Variants in C1orf141 observed in about 807,000 individuals in gnomAD.
C1orf141 encodes uncharacterized protein C1orf141.
In C1orf141, 19 loss-of-function variants were observed where a neutral mutation model predicts 23.2. The observed-to-expected ratio is 0.82, with a 90% confidence interval of 0.57 to 1.20. The LOEUF is 1.20. Among genes scored for constraint, C1orf141 ranks in the 50% most tolerant of loss-of-function variants. The pLI, the probability that C1orf141 is intolerant of heterozygous loss-of-function variation, is 0.00. For missense variants in C1orf141, 469 were observed against 455.1 expected (o/e 1.03, Z -0.28); for synonymous variants, 153 against 154.6 (o/e 0.99, Z 0.08).
At chr1:67,132,888 G>T (rs1283689043) in intron 1 of C1orf141, among the ~76,000 whole-genome samples, 4 of 152,092 alleles carry the variant, frequency 2.6e-5, no homozygotes, top group African/African-American at 9.7e-5. Context: ...ACAGTTTTTT[G>T]TTGTTGTTTG....
At chr1:67,100,921 T>C (rs1334786153) in intron 5 of C1orf141, among the ~76,000 whole-genome samples, 1 of 152,172 alleles carries the variant, frequency 6.6e-6, no homozygotes, top group African/African-American at 2.4e-5. Context: ...TTCTGGGCAC[T>C]GTATATTTTG....
intron 6 of C1orf141, 40 bp from the exon 7 acceptor site, chr1:67,095,461 G>C (rs375296501): frequency 1.0e-5 from 12 of 1,172,892 alleles, no homozygotes; most frequent in Non-Finnish European, 1.4e-5. Context: ...TCATGGGGCT[G>C]ATTACAGCTT....
At chr1:67,141,474 C>G (rs1056696211) in intron 1 of C1orf141, among the ~76,000 whole-genome samples, 20 of 151,904 alleles carry the variant, frequency 1.3e-4, no homozygotes, top group Admixed American at 1.0e-3. Flanking sequence ...AAAGTTTTTA[C>G]AAGTCCGGTC....
At chr1:67,141,142 T>C (rs1042520314) in intron 1 of C1orf141, among the ~76,000 whole-genome samples, 5 of 152,204 alleles carry the variant, frequency 3.3e-5, no homozygotes, top group African/African-American at 1.2e-4. Context: ...TAGAAAGCTT[T>C]ATACACAGAA....
chr1:67,115,434 A>G lies in C1orf141; in HGVS notation c.264T>C (p.Pro88=). The stretch of plus-strand genomic sequence containing the variant: ...TTGACTTTTCAAAATTACTCTTTCT[A>G]GGTTCAGGCTCACATTTGAAAGAGA... ...MHVSFKCEPE[P]RKSNFEKSNL... is the part of the protein sequence containing the mutation. Residue 88 remains proline (P), a synonymous_variant, in exon 5 of 8, where the codon CCT becomes CCC. Coordinates refer to ENST00000684719, the MANE Select transcript of C1orf141 (RefSeq NM_001276351.2). 6.7e-7 allele frequency: 1 copy of G among 1,496,992 alleles called. No individual in the cohort carries two copies. Among genetic ancestry groups the G allele is most frequent in the Non-Finnish European group, 9.2e-7 (1 of 1,089,204 alleles). 92.7% of individuals were successfully genotyped at this position (1,496,992 alleles called of 1,614,324 possible).
chr1:67,123,599 G>A (rs1646343906), intron 4 of C1orf141: 1 of 152,150 alleles, frequency 6.6e-6, no homozygotes, highest in Non-Finnish European at 1.5e-5. Flanking sequence ...TAGGCTGACA[G>A]GGACCTGGAT....
At chr1:67,138,791 G>A (rs958921969), upstream of C1orf141, 2 of 152,242 alleles carry the variant, frequency 1.3e-5, no homozygotes, top group African/African-American at 2.4e-5. Flanking sequence ...TCAGCACAGG[G>A]ACTTCAGAAC....
Position 67,093,090 on chromosome 1 carries a change from G to T in C1orf141, c.1118C>A (p.Pro373His). 1 of 1,612,370 alleles carries T rather than the reference G, an allele frequency of 6.2e-7. No individual in the cohort carries two copies. The highest frequency in any genetic ancestry group is 8.5e-7 in the Non-Finnish European group (1 of 1,178,508). The change falls in exon 8 of 8, where the codon CCT (proline) becomes CAT (histidine). Residue 373 changes from proline to histidine, a missense_variant. Coordinates refer to ENST00000684719, the MANE Select transcript of C1orf141 (RefSeq NM_001276351.2). ...SALPVKCYSK[P>H]FKYIYELNNV... ...ATTTAGTTCATATATATATTTAAAA[G>T]GCTTTGAGTAACATTTGACAGGTAA...
chr1:67,096,464 A>G (rs566994408), intron 5 of C1orf141, 143 bp from the exon 6 acceptor site: 8 of 536,468 alleles, frequency 1.5e-5, no homozygotes, highest in Non-Finnish European at 2.7e-5. Flanking sequence ...TACCCAGTAA[A>G]TATTTCTTGA....
chr1:67,117,191 G>A (rs1026915434), intron 4 of C1orf141, among the ~76,000 whole-genome samples: 4 of 152,204 alleles, frequency 2.6e-5, no homozygotes, highest in African/African-American at 4.8e-5. Context: ...GAGAGGCTGA[G>A]GGGGGTGGAT....
intron 5 of C1orf141, among the ~76,000 whole-genome samples, chr1:67,097,324 G>T (rs1202871767): frequency 1.3e-5 from 2 of 152,194 alleles, no homozygotes; most frequent in African/African-American, 4.8e-5. Flanking sequence ...TACCATGGAA[G>T]AATATAAACA....
At chr1:67,115,529 A>G in intron 4 of C1orf141, 65 bp from the exon 5 acceptor site, 5 of 684,230 alleles carry the variant, frequency 7.3e-6, no homozygotes, top group Non-Finnish European at 1.2e-5. Context: ...AATCTAAAAA[A>G]TAAATTTGGA....
At chr1:67,106,806 C>T (rs1645938645) in intron 5 of C1orf141, among the ~76,000 whole-genome samples, 7 of 152,130 alleles carry the variant, frequency 4.6e-5, no homozygotes, top group Admixed American at 3.9e-4. Flanking sequence ...AGAATTAAAA[C>T]ATGTAATATC....
rs1211894089 is a variant in C1orf141 at position 67,092,553 on chromosome 1, TTGA to T, written c.*449_*451del. 8 of 153,124 alleles carry T rather than the reference TTGA, an allele frequency of 5.2e-5. No individual in the cohort carries two copies. The highest frequency in any genetic ancestry group is 5.2e-4 in the Admixed American group (8 of 15,362). 9.5% of individuals were successfully genotyped at this position (153,124 alleles called of 1,614,324 possible). ...TGCATAAATTGCTAATGTAATACTATTGATGATGATTTGCTGAAATGCTGGTAT... is the reference window on the plus strand; with the variant it reads ...TGCATAAATTGCTAATGTAATACTATTGATGATTTGCTGAAATGCTGGTAT... On this transcript the variant is annotated 3_prime_UTR_variant, in exon 8 of 8. Coordinates refer to ENST00000684719, the MANE Select transcript of C1orf141 (RefSeq NM_001276351.2).
upstream of C1orf141, among the ~76,000 whole-genome samples, chr1:67,135,906 C>CAAAAAAAAAAAAAAAAAAAAAAAAA (rs59519661): frequency 8.0e-5 from 5 of 62,620 alleles, no homozygotes; most frequent in African/African-American, 3.8e-4. Context: ...GGCAAAACTG[C>CAAAAAAAAAAAAAAAAAAAAAAAAA]AAAAAAAAAA....
chr1:67,103,406 A>T, intron 5 of C1orf141: 1 of 1,327,790 alleles, frequency 7.5e-7, no homozygotes, highest in Non-Finnish European at 9.9e-7. Flanking sequence ...AAAATGGAAA[A>T]TTATCTTAGA....
Position 67,126,566 on chromosome 1 carries a change from C to T in C1orf141, c.75+600G>A, listed in dbSNP as rs758690767. On this transcript the variant is annotated intron_variant, in intron 3 of 7. Transcript: ENST00000684719. ...ATGGAGCACTATGGGAATTAGTCTC[C>T]TGCTCTCAACAACTAGGAGCTCAGG... is the stretch of plus-strand genomic sequence containing the variant. Among the ~76,000 whole-genome samples the T allele has an allele frequency of 4.0e-4, 61 of 152,198 alleles. 2 individuals carry two copies. Among genetic ancestry groups the T allele is most frequent in the African/African-American group, 9.7e-5 (4 of 41,442 alleles).
chr1:67,101,075 T>A (rs903771070), intron 5 of C1orf141, among the ~76,000 whole-genome samples: 11 of 152,142 alleles, frequency 7.2e-5, no homozygotes, highest in Admixed American at 5.9e-4. Context: ...TTTAGTCAAG[T>A]AAGGGCCTCA....
chr1:67,132,521 CA>C lies in C1orf141; in HGVS notation c.-103-1295del, dbSNP rs986825394. 6.5e-3 allele frequency among the ~76,000 whole-genome samples: 905 copies of C among 139,360 alleles called. 6 individuals are homozygous for C. Among genetic ancestry groups the C allele is most frequent in the African/African-American group, 0.019 (739 of 38,296 alleles). 91.4% of individuals were successfully genotyped at this position (139,360 alleles called of 152,430 possible). A position where few individuals can be genotyped will look rare whatever the true frequency, so the allele number is the denominator to read the frequency against. ...CTGGGTGACGAGCGAGTCTCCATTT[CA>C]AAAAAAAAAAAGAGGTTTACTCTTT... On this transcript the variant is annotated intron_variant, in intron 1 of 7. Coordinates refer to ENST00000684719, the MANE Select transcript of C1orf141 (RefSeq NM_001276351.2).
Sources: allele counts gnomAD v4.1 joint callset (sites outside exome capture counted in the v4.1 genomes callset), GRCh38; gene constraint gnomAD v4.1.1; transcripts MANE v1.5; gene names NCBI Gene and HGNC (gene_info 2026-07-23, HGNC 2026-07-21).